Variants in ACOT12 observed in about 807,000 individuals in gnomAD.
The protein encoded by ACOT12 is acyl-CoA thioesterase 12, also known as acetyl-coenzyme A thioesterase.
A neutral mutation model predicts 67.7 loss-of-function variants in ACOT12; 51 were observed. The ratio of observed to expected loss-of-function variants is 0.75; its 90% CI spans 0.60 to 0.95. The LOEUF (loss-of-function observed/expected upper bound fraction) is 0.95, where lower values mean the gene tolerates loss of function less well. Ranked by LOEUF, ACOT12 falls within the 40% of genes least tolerant of loss-of-function variation. The probability of loss-of-function intolerance (pLI) is 0.00; values close to 1 mark genes in which losing one functional copy is unlikely to be tolerated. For synonymous variants in ACOT12, 251 were observed against 244.6 expected (o/e 1.03, Z -0.24); for missense variants, 734 against 708.1 (o/e 1.04, Z -0.41).
chr5:81,315,479 C>A, the ACOT12 span, among the ~76,000 whole-genome samples: 1 of 152,150 alleles, frequency 6.6e-6, no homozygotes, highest in Non-Finnish European at 1.5e-5. Flanking sequence ...ATAGGTTACA[C>A]GAGGGCAGGA....
intron 1 of ACOT12, among the ~76,000 whole-genome samples, chr5:81,393,679 C>A (rs575537805): frequency 6.6e-6 from 1 of 151,924 alleles, no homozygotes; most frequent in Non-Finnish European, 1.5e-5. Flanking sequence ...ATGGCGCCAC[C>A]GCTCTCCAGC....
chr5:81,309,078 A>G, the ACOT12 span: 8 of 1,454,042 alleles, frequency 5.5e-6, no homozygotes, highest in Admixed American at 2.1e-5. Context: ...ATGGTGAGTC[A>G]TCGTGCAGTT....
intron 4 of ACOT12, among the ~76,000 whole-genome samples, chr5:81,363,022 G>T (rs1261084695): frequency 2.0e-5 from 3 of 152,168 alleles, no homozygotes; most frequent in African/African-American, 7.2e-5. Context: ...TGACCAACAT[G>T]ACTCCTCCTT....
intron 1 of ACOT12, among the ~76,000 whole-genome samples, 153 bp downstream of exon 1, chr5:81,393,835 C>T (rs1760928091): frequency 6.6e-6 from 1 of 152,272 alleles, no homozygotes; most frequent in African/African-American, 2.4e-5. Context: ...ATGCCCAGCG[C>T]GGGCGCACTG....
intron 4 of ACOT12, 22 bp downstream of exon 4, chr5:81,363,766 C>T (rs1272667966): frequency 1.3e-6 from 2 of 1,569,944 alleles, no homozygotes; most frequent in Non-Finnish European, 1.7e-6. Flanking sequence ...ATGCTAGATA[C>T]ATCTTCACAT....
At chr5:81,333,680 C>A (rs557482905) in intron 12 of ACOT12, among the ~76,000 whole-genome samples, 2 of 152,144 alleles carry the variant, frequency 1.3e-5, no homozygotes, top group Non-Finnish European at 2.9e-5. Flanking sequence ...AGAGTATCTA[C>A]TAAATTGATG....
chr5:81,336,661 A>G (rs1429752335), intron 11 of ACOT12, among the ~76,000 whole-genome samples: 3 of 152,190 alleles, frequency 2.0e-5, no homozygotes, highest in Non-Finnish European at 4.4e-5. Flanking sequence ...CTAAGAACAC[A>G]TTTCTATCCT....
At chr5:81,321,278 A>G in the ACOT12 span, among the ~76,000 whole-genome samples, 1 of 152,124 alleles carries the variant, frequency 6.6e-6, no homozygotes, top group African/African-American at 2.4e-5. Flanking sequence ...AGAGAAAAGA[A>G]AAAAACCAGA....
At chr5:81,360,952 C>T (rs1759886001) in intron 4 of ACOT12, among the ~76,000 whole-genome samples, 2 of 151,724 alleles carry the variant, frequency 1.3e-5, no homozygotes, top group Admixed American at 1.3e-4. Context: ...GTGGAGCACA[C>T]CTGTAATCCC....
intron 3 of ACOT12, among the ~76,000 whole-genome samples, chr5:81,368,067 A>T (rs1209890326): frequency 6.6e-6 from 1 of 152,136 alleles, no homozygotes; most frequent in African/African-American, 2.4e-5. Context: ...CAAGGTGAAC[A>T]GATCACCTGA....
intron 2 of ACOT12, among the ~76,000 whole-genome samples, chr5:81,373,180 G>A (rs547396735): frequency 1.3e-5 from 2 of 152,300 alleles, no homozygotes; most frequent in South Asian, 4.2e-4. Context: ...TCATCTCATT[G>A]AGACTGGTTG....
chr5:81,342,139 T>C (rs1200372532), intron 11 of ACOT12, among the ~76,000 whole-genome samples: 1 of 152,190 alleles, frequency 6.6e-6, no homozygotes, highest in African/African-American at 2.4e-5. Context: ...TACAAGTGTC[T>C]GCTACCACAG....
At chr5:81,382,930 C>T (rs544857594) in intron 2 of ACOT12, among the ~76,000 whole-genome samples, 3 of 152,056 alleles carry the variant, frequency 2.0e-5, no homozygotes, top group Admixed American at 6.5e-5. Flanking sequence ...CCTCAGGATA[C>T]TCAGGTCATT....
intron 2 of ACOT12, among the ~76,000 whole-genome samples, chr5:81,382,922 T>G (rs1200979120): frequency 6.6e-6 from 1 of 152,168 alleles, no homozygotes. Context: ...AAACTTTTCC[T>G]CAGGATACTC....
At chr5:81,391,431 C>T (rs778176072) in intron 1 of ACOT12, among the ~76,000 whole-genome samples, 23 of 152,176 alleles carry the variant, frequency 1.5e-4, no homozygotes, top group Non-Finnish European at 2.9e-4. Flanking sequence ...CATGTGTTAA[C>T]TTTCAAGTGT....
intron 2 of ACOT12, among the ~76,000 whole-genome samples, chr5:81,381,805 CA>C (rs1760591649): frequency 6.6e-6 from 1 of 152,060 alleles, no homozygotes; most frequent in African/African-American, 2.4e-5. Context: ...GTCATTCCTA[CA>C]AAATAAAAAG....
chr5:81,373,075 G>A (rs1760302624), intron 2 of ACOT12, among the ~76,000 whole-genome samples: 1 of 152,202 alleles, frequency 6.6e-6, no homozygotes, highest in African/African-American at 2.4e-5. Flanking sequence ...TTGCTGGCAA[G>A]ATGGCCGAAC....
the ACOT12 span, among the ~76,000 whole-genome samples, chr5:81,315,408 C>G: frequency 2.0e-5 from 3 of 152,274 alleles, no homozygotes; most frequent in Non-Finnish European, 2.9e-5. Context: ...AAGAGCAGCT[C>G]CTTGCTTCCT....
At chr5:81,348,376 T>C (rs1759448025) in intron 5 of ACOT12, among the ~76,000 whole-genome samples, 1 of 152,174 alleles carries the variant, frequency 6.6e-6, no homozygotes, top group South Asian at 2.1e-4. Flanking sequence ...ATATGGGCCA[T>C]TCATTGTTTG....
Sources: gnomAD v4.1 joint callset for allele counts (sites outside exome capture counted in the v4.1 genomes callset) on GRCh38, gnomAD v4.1.1 for gene constraint, MANE v1.5 for transcripts, NCBI Gene and HGNC (gene_info 2026-07-23, HGNC 2026-07-21) for gene names.